The following SRPK2 variants were observed in gnomAD, a reference collection of about 807,000 sequenced individuals.
SRPK2 encodes the protein SRSF protein kinase 2.
In SRPK2, 21 loss-of-function variants were observed where a neutral mutation model predicts 90.8. The observed-to-expected ratio is 0.23, with a 90% CI of 0.16 to 0.33. The LOEUF (loss-of-function observed/expected upper bound fraction) is 0.33, where lower values mean the gene tolerates loss of function less well. SRPK2 is among the 10% of genes least tolerant of loss of function. The pLI is 1.00. For synonymous variants in SRPK2, 288 were observed against 311.1 expected, an observed-to-expected ratio of 0.93 and a Z score of 0.78; for missense variants, 620 against 869.0, an observed-to-expected ratio of 0.71 and a Z score of 3.60.
chr7:105,133,244 T>C (rs748917401), intron 11 of SRPK2, 140 bp from the exon 12 acceptor site: 17 of 775,704 alleles, frequency 2.2e-5, no homozygotes, highest in Admixed American at 7.6e-5. Context: ...TAAATTAAAC[T>C]TGACAGAACT....
At chr7:105,182,094 G>C (rs1297008812) in intron 3 of SRPK2, among the ~76,000 whole-genome samples, 2 of 151,606 alleles carry the variant, frequency 1.3e-5, no homozygotes, top group East Asian at 3.9e-4. Context: ...AGCCAAGCGT[G>C]GTGGCAGGCA....
At chr7:105,383,103 C>T (rs1277503521) in intron 2 of SRPK2, among the ~76,000 whole-genome samples, 2 of 113,874 alleles carry the variant, frequency 1.8e-5, no homozygotes, top group Non-Finnish European at 3.3e-5. Context: ...CTCGCTCTAT[C>T]GCCCAGGCTG....
intron 2 of SRPK2, among the ~76,000 whole-genome samples, chr7:105,215,240 A>G (rs1797316423): frequency 6.6e-6 from 1 of 152,202 alleles, no homozygotes; most frequent in South Asian, 2.1e-4. Context: ...AACTCCTAGG[A>G]AAGAGACACA....
chr7:105,168,734 A>ACACACG (rs1790405639), intron 4 of SRPK2, among the ~76,000 whole-genome samples: 1 of 71,060 alleles, frequency 1.4e-5, no homozygotes, highest in Non-Finnish European at 3.9e-5. Context: ...ACACACACAC[A>ACACACG]CACGCACCAA....
intron 2 of SRPK2, among the ~76,000 whole-genome samples, chr7:105,223,134 G>C (rs1485389355): frequency 6.6e-6 from 1 of 152,152 alleles, no homozygotes; most frequent in East Asian, 1.9e-4. Context: ...GGCATGTTGG[G>C]ACCACAAGAT....
At chr7:105,188,842 G>C (rs965153415) in intron 3 of SRPK2, among the ~76,000 whole-genome samples, 18 of 152,272 alleles carry the variant, frequency 1.2e-4, no homozygotes, top group African/African-American at 4.3e-4. Context: ...TCCCAAATAA[G>C]AATCAAACAT....
intron 2 of SRPK2, among the ~76,000 whole-genome samples, chr7:105,256,075 T>G (rs917089238): frequency 7.9e-5 from 12 of 152,216 alleles, no homozygotes; most frequent in Non-Finnish European, 1.6e-4. Flanking sequence ...TTGGCATGCC[T>G]CAAATGTCAG....
chr7:105,304,808 C>T (rs1251444757), intron 2 of SRPK2, among the ~76,000 whole-genome samples: 1 of 152,204 alleles, frequency 6.6e-6, no homozygotes, highest in Non-Finnish European at 1.5e-5. Flanking sequence ...AACCGCAGGG[C>T]TGCCCTGGCC....
intron 2 of SRPK2, among the ~76,000 whole-genome samples, chr7:105,239,031 C>T (rs1323937634): frequency 6.6e-6 from 1 of 152,176 alleles, no homozygotes; most frequent in Non-Finnish European, 1.5e-5. Flanking sequence ...GGGCTTCATT[C>T]CACTTCTCCT....
chr7:105,205,880 T>C (rs1796168371), intron 2 of SRPK2: 1 of 514,264 alleles, frequency 1.9e-6, no homozygotes, highest in Admixed American at 2.0e-5. Flanking sequence ...GCTAGCTGTT[T>C]CTTCCTAACT....
Position 105,132,835 on chromosome 7 carries a change from C to T in SRPK2, c.1708G>A (p.Ala570Thr), listed in dbSNP as rs894724696. 2 of 1,610,524 alleles carry T rather than the reference C, an allele frequency of 1.2e-6. No homozygotes were observed. Among genetic ancestry groups the T allele is most frequent in the African/African-American group, 2.7e-5 (2 of 74,828 alleles). ...ATGTCCGCAGGGGTGCTGTACCCCGCTCCTATTAAAACCTCTATGGAGCGG... is the reference window on the plus strand; with the variant it reads ...ATGTCCGCAGGGGTGCTGTACCCCGTTCCTATTAAAACCTCTATGGAGCGG... Reference protein sequence around the residue: ...QYRSIEVLIGAGYSTPADIWS... With the variant: ...QYRSIEVLIGTGYSTPADIWS... The change falls in exon 13 of 16, where the codon GCG becomes ACG. Residue 570 changes from alanine to threonine, a missense_variant. Ala to Thr is a moderately conservative substitution (Grantham distance 58). Coordinates refer to ENST00000393651, the MANE Select transcript of SRPK2 (RefSeq NM_182692.3).
chr7:105,311,696 T>C (rs887986981), intron 2 of SRPK2, among the ~76,000 whole-genome samples: 1 of 152,166 alleles, frequency 6.6e-6, no homozygotes, highest in Non-Finnish European at 1.5e-5. Context: ...ACAATAAGTG[T>C]AGGCAAGGAT....
chr7:105,165,473 T>A (rs1342075181), intron 6 of SRPK2, among the ~76,000 whole-genome samples: 1 of 152,200 alleles, frequency 6.6e-6, no homozygotes, highest in Admixed American at 6.5e-5. Flanking sequence ...ATCAGTGCTC[T>A]GTGTCTATCT....
At chr7:105,387,985 C>G (rs1776846660) in intron 2 of SRPK2, among the ~76,000 whole-genome samples, 1 of 152,164 alleles carries the variant, frequency 6.6e-6, no homozygotes, top group South Asian at 2.1e-4. Flanking sequence ...GACCCCGGCG[C>G]CCGCAGCGCA....
chr7:105,319,150 A>G (rs1188101788), intron 2 of SRPK2, among the ~76,000 whole-genome samples: 6 of 152,228 alleles, frequency 3.9e-5, no homozygotes, highest in South Asian at 2.1e-4. Flanking sequence ...TAAGAAAAAC[A>G]TATGTTCACA....
At position 105,176,709 on chromosome 7, in the gene SRPK2, A is replaced by ATG. The variant is rs34930111; in HGVS notation, c.230-7446_230-7445dup. 2.7e-4 allele frequency among the ~76,000 whole-genome samples: 35 copies of ATG among 127,526 alleles called. No individual in the cohort carries two copies. In the East Asian group the frequency reaches 3.0e-3, roughly 11 times the overall value. 83.7% of individuals were successfully genotyped at this position (127,526 alleles called of 152,430 possible). ...TGTGTGTACATATATATGTATGTGT[A>ATG]TGTGTGTGTGTGTGTGTATGTATGT... On this transcript the variant is annotated intron_variant, in intron 3 of 15. Coordinates refer to ENST00000393651, the MANE Select transcript of SRPK2 (RefSeq NM_182692.3).
intron 3 of SRPK2, among the ~76,000 whole-genome samples, chr7:105,195,755 C>T (rs1461819781): frequency 6.6e-6 from 1 of 152,192 alleles, no homozygotes; most frequent in Non-Finnish European, 1.5e-5. Flanking sequence ...TTAGCCCTCA[C>T]ATATCTTCCC....
At chr7:105,362,403 G>T (rs969863641) in intron 2 of SRPK2, among the ~76,000 whole-genome samples, 4 of 151,896 alleles carry the variant, frequency 2.6e-5, no homozygotes, top group Admixed American at 2.0e-4. Context: ...GTTGGGAGAT[G>T]GAGACCATCC....
At chr7:105,319,810 CCTGA>C (rs1167221567) in intron 2 of SRPK2, among the ~76,000 whole-genome samples, 19 of 151,872 alleles carry the variant, frequency 1.3e-4, no homozygotes, top group Non-Finnish European at 2.5e-4. Flanking sequence ...CTGTAACCAA[CCTGA>C]CTGTTTCTGT....
Sources: gnomAD v4.1 joint callset for allele counts (sites outside exome capture counted in the v4.1 genomes callset) on GRCh38, gnomAD v4.1.1 for gene constraint, MANE v1.5 for transcripts, NCBI Gene and HGNC (gene_info 2026-07-23, HGNC 2026-07-21) for gene names.